NXN: variants seen among roughly 807,000 people sequenced by gnomAD.
NXN encodes the protein nucleoredoxin 1.
NXN carries 16 observed loss-of-function variants against 48.6 expected under a neutral mutation model. That is an observed-to-expected ratio of 0.33 (90% CI 0.22 to 0.50). NXN has a LOEUF of 0.50. Among genes scored for constraint, NXN ranks in the 20% least tolerant of loss-of-function variants. The pLI is 0.98. For missense variants in NXN, 492 were observed against 605.5 expected, an observed-to-expected ratio of 0.81 and a Z score of 1.97; for synonymous variants, 281 against 269.6, an observed-to-expected ratio of 1.04 and a Z score of -0.41.
chr17:940,814 T>C (rs1216837849), intron 1 of NXN, among the ~76,000 whole-genome samples: 63 of 136,218 alleles, frequency 4.6e-4, no homozygotes, highest in South Asian at 1.4e-3. Context: ...AGGGTGCAGC[T>C]ATGAACTCAC....
intron 1 of NXN, among the ~76,000 whole-genome samples, chr17:853,712 TATATATATA>T (rs1257955655): frequency 1.1e-5 from 1 of 93,830 alleles, no homozygotes; most frequent in Admixed American, 9.6e-5. Flanking sequence ...CATATATATA[TATATATATA>T]TATTTTTTTT....
At chr17:916,541 C>G (rs1421936921) in intron 1 of NXN, among the ~76,000 whole-genome samples, 5 of 152,146 alleles carry the variant, frequency 3.3e-5, no homozygotes, top group Non-Finnish European at 7.4e-5. Flanking sequence ...AAATTGCACC[C>G]CAGCTGCAGT....
At chr17:875,604 GT>G (rs1323720690) in intron 1 of NXN, among the ~76,000 whole-genome samples, 1 of 151,582 alleles carries the variant, frequency 6.6e-6, no homozygotes, top group East Asian at 2.0e-4. Context: ...TGGTGTTTTT[GT>G]TTTTGTTTTA....
chr17:866,465 C>T (rs896189070), intron 1 of NXN, among the ~76,000 whole-genome samples: 5 of 151,990 alleles, frequency 3.3e-5, no homozygotes, highest in Admixed American at 3.3e-4. Context: ...CTCAGGTACT[C>T]GGGAGGCTGA....
intron 1 of NXN, among the ~76,000 whole-genome samples, chr17:901,354 CACTT>C (rs2068536202): frequency 1.3e-5 from 2 of 152,180 alleles, no homozygotes; most frequent in African/African-American, 4.8e-5. Flanking sequence ...CAAAGGCAGA[CACTT>C]AATCAACGCT....
At chr17:963,316 A>T (rs1214972287) in intron 1 of NXN, among the ~76,000 whole-genome samples, 1 of 152,032 alleles carries the variant, frequency 6.6e-6, no homozygotes, top group South Asian at 2.1e-4. Context: ...AAAATGCTAT[A>T]TCCGGGCTAG....
chr17:939,948 T>C (rs2068952088), intron 1 of NXN, among the ~76,000 whole-genome samples: 1 of 31,142 alleles, frequency 3.2e-5, no homozygotes, highest in Admixed American at 4.2e-4. Context: ...TATTACCTTT[T>C]TTTTCTTATT....
intron 1 of NXN, among the ~76,000 whole-genome samples, chr17:943,423 A>G (rs909756290): frequency 6.6e-6 from 1 of 152,188 alleles, no homozygotes; most frequent in African/African-American, 2.4e-5. Flanking sequence ...GATGACCTCA[A>G]GCACGTCTGT....
intron 1 of NXN, among the ~76,000 whole-genome samples, chr17:975,654 T>G (rs916380944): frequency 6.6e-6 from 1 of 152,208 alleles, no homozygotes; most frequent in African/African-American, 2.4e-5. Context: ...AGGAAGCCAG[T>G]GGTCTGCACC....
In NXN at chr17:920,006, C is replaced by T. The variant is rs62070222; in HGVS notation, c.360+59313G>A. Among the ~76,000 whole-genome samples, 29,288 of 152,140 alleles carry T rather than the reference C, an allele frequency of 0.19. 3,092 individuals carry two copies. The highest frequency in any genetic ancestry group is 0.25 in the Middle Eastern group (73 of 294). Reference sequence around the variant, plus strand: ...CATCCAGAGCAACTACCCACTTCCACGGCCTCCTCCATGTGAGGACCTCCG... The same window carrying T: ...CATCCAGAGCAACTACCCACTTCCATGGCCTCCTCCATGTGAGGACCTCCG... On this transcript the variant is annotated intron_variant, in intron 1 of 7. Transcript: ENST00000336868. This position sits in a 1 kb window ranked among gnomAD's most constrained non-coding sequence, Gnocchi z 4.6.
intron 1 of NXN, among the ~76,000 whole-genome samples, chr17:876,105 T>C (rs2644705): frequency 0.57 from 86,899 of 151,206 alleles, 27,112 homozygotes; most frequent in African/African-American, 0.84. Flanking sequence ...CGCTTGAACC[T>C]GGGGGGGTGG....
chr17:937,015 C>T (rs982905325), intron 1 of NXN, among the ~76,000 whole-genome samples: 1 of 151,850 alleles, frequency 6.6e-6, no homozygotes, highest in Non-Finnish European at 1.5e-5. Flanking sequence ...ATTGCACAAC[C>T]GCATTCCAGC....
intron 1 of NXN, among the ~76,000 whole-genome samples, chr17:882,086 G>C (rs769472731): frequency 1.3e-5 from 2 of 152,110 alleles, no homozygotes; most frequent in Non-Finnish European, 2.9e-5. Context: ...GAATTTTATT[G>C]TGTTAAATTA....
chr17:878,447 C>T (rs1223914220), intron 1 of NXN, among the ~76,000 whole-genome samples: 1 of 31,174 alleles, frequency 3.2e-5, no homozygotes, highest in African/African-American at 1.3e-4. Flanking sequence ...GAGGGGTTTG[C>T]GGGCGGGGGT....
intron 1 of NXN, among the ~76,000 whole-genome samples, chr17:844,042 C>T (rs1322587205): frequency 6.6e-6 from 1 of 152,226 alleles, no homozygotes. Flanking sequence ...TCATACGTCC[C>T]GTCCCGCCCC....
At chr17:859,922 G>C (rs952739740) in intron 1 of NXN, among the ~76,000 whole-genome samples, 2 of 152,072 alleles carry the variant, frequency 1.3e-5, no homozygotes, top group Non-Finnish European at 2.9e-5. Flanking sequence ...GGTCATAGCC[G>C]ATCCTGAGAA....
At chr17:833,255 C>G (rs1213422997) in intron 1 of NXN, among the ~76,000 whole-genome samples, 1 of 152,122 alleles carries the variant, frequency 6.6e-6, no homozygotes, top group Admixed American at 6.6e-5. Context: ...CCATGTCATT[C>G]ATTAGGGAGC....
chr17:921,381 G>A lies in NXN; in HGVS notation c.360+57938C>T, dbSNP rs116604377. Among the ~76,000 whole-genome samples the A allele has an allele frequency of 5.4e-3, 824 of 152,128 alleles. 9 individuals carry two copies. Among genetic ancestry groups the A allele is most frequent in the African/African-American group, 0.019 (779 of 41,502 alleles). ...AGCGGGGCCACCAACAACACCCAGC[G>A]GAACCCGTCATCTTGTTCCGGTCCA... On this transcript the variant is annotated intron_variant, in intron 1 of 7. Coordinates refer to ENST00000336868, the MANE Select transcript of NXN (RefSeq NM_022463.5).
chr17:823,569 C>G, intron 3 of NXN, 63 bp downstream of exon 3: 3 of 1,593,414 alleles, frequency 1.9e-6, no homozygotes, highest in Non-Finnish European at 2.6e-6. Context: ...CCAACCACAG[C>G]TGGGCCTGCT....
Sources: gnomAD v4.1 joint callset for allele counts (sites outside exome capture counted in the v4.1 genomes callset) on GRCh38, gnomAD v4.1.1 for gene constraint, Gnocchi (gnomAD v3.1) non-coding constraint, MANE v1.5 for transcripts, NCBI Gene and HGNC (gene_info 2026-07-23, HGNC 2026-07-21) for gene names.